CNTN5: variants seen among roughly 807,000 people sequenced by gnomAD.
CNTN5 encodes the protein contactin-5.
A neutral mutation model predicts 129.1 loss-of-function variants in CNTN5; 77 were observed. The ratio of observed to expected loss-of-function variants is 0.60; its 90% CI spans 0.50 to 0.72. The LOEUF is 0.72. Ranked by LOEUF, CNTN5 falls within the 30% of genes least tolerant of loss-of-function variation. CNTN5 has a pLI of 0.00. For synonymous variants in CNTN5, 509 were observed against 465.6 expected (o/e 1.09, Z -1.20); for missense variants, 1,478 against 1,328.8 (o/e 1.11, Z -1.75).
rs1364715313 is a variant in CNTN5, at chr11:99,476,833, G to C, written c.-70-79312G>C. Among the ~76,000 whole-genome samples the C allele has an allele frequency of 4.6e-5, 7 of 152,178 alleles. No homozygotes were observed. The East Asian group carries it at 1.4e-3, about 29-fold the overall frequency. ...CAACTGATCCTTTCAAAGGGTTGTA[G>C]ATATCCTCAACCAACAAGTGAATGG... On this transcript the variant is annotated intron_variant, in intron 2 of 24. Coordinates refer to ENST00000524871, the MANE Select transcript of CNTN5 (RefSeq NM_014361.4).
rs960484418 is a variant in CNTN5, at chr11:99,908,845, G to A, written c.578-7209G>A. Among the ~76,000 whole-genome samples, 25 of 152,116 alleles carry A rather than the reference G, an allele frequency of 1.6e-4. 1 individual carries two copies. Among genetic ancestry groups the A allele is most frequent in the African/African-American group, 4.6e-4 (19 of 41,528 alleles). On this transcript the variant is annotated intron_variant, in intron 6 of 24. Coordinates refer to ENST00000524871, the MANE Select transcript of CNTN5 (RefSeq NM_014361.4). The stretch of plus-strand genomic sequence containing the variant: ...TGTAATTAAAAGTGTCTTTTTCAAG[G>A]GAAGCATATGCTGGTTTTCTTTGGT...
chr11:99,901,760 GAATT>G (rs1312042176), intron 6 of CNTN5, among the ~76,000 whole-genome samples: 2 of 152,074 alleles, frequency 1.3e-5, no homozygotes, highest in Non-Finnish European at 2.9e-5. Flanking sequence ...AAAAAGCTGT[GAATT>G]AAAAAAGAAA....
intron 1 of CNTN5, among the ~76,000 whole-genome samples, chr11:99,102,486 C>T (rs1344208301): frequency 6.6e-6 from 1 of 152,252 alleles, no homozygotes; most frequent in African/African-American, 2.4e-5. Flanking sequence ...TAAGTAACCT[C>T]CTGAATGCTT....
At chr11:99,066,812 A>G in intron 1 of CNTN5, among the ~76,000 whole-genome samples, 1 of 152,154 alleles carries the variant, frequency 6.6e-6, no homozygotes, top group East Asian at 1.9e-4. Flanking sequence ...TGAGCACAGC[A>G]GGAATACTAA....
At chr11:99,095,467 C>T (rs1271493871) in intron 1 of CNTN5, among the ~76,000 whole-genome samples, 1 of 151,964 alleles carries the variant, frequency 6.6e-6, no homozygotes, top group East Asian at 1.9e-4. Context: ...ATGGAAGTTA[C>T]TTCTTTTACC....
chr11:99,619,134 A>G (rs1024331569), intron 3 of CNTN5, among the ~76,000 whole-genome samples: 2 of 152,158 alleles, frequency 1.3e-5, no homozygotes, highest in Non-Finnish European at 2.9e-5. Flanking sequence ...GTCCCATTCA[A>G]GATCAAAACT....
At chr11:99,888,844 C>A (rs1341519844) in intron 6 of CNTN5, among the ~76,000 whole-genome samples, 2 of 152,214 alleles carry the variant, frequency 1.3e-5, no homozygotes, top group African/African-American at 4.8e-5. Flanking sequence ...GAGTTTGACA[C>A]ATTACTGCGT....
At chr11:100,315,385 T>C (rs190521460) in intron 21 of CNTN5, among the ~76,000 whole-genome samples, 2 of 152,206 alleles carry the variant, frequency 1.3e-5, no homozygotes, top group African/African-American at 2.4e-5. Context: ...TGTTATTAAA[T>C]TGATGAATTG....
intron 8 of CNTN5, among the ~76,000 whole-genome samples, chr11:99,975,878 G>C (rs1046937782): frequency 7.2e-5 from 11 of 152,104 alleles, no homozygotes; most frequent in Admixed American, 2.0e-4. Context: ...AACCCATCAT[G>C]CTTTTCCCAA....
chr11:99,396,471 T>G (rs1283292480), intron 2 of CNTN5, among the ~76,000 whole-genome samples: 1 of 151,622 alleles, frequency 6.6e-6, no homozygotes, highest in East Asian at 1.9e-4. Flanking sequence ...CCTGTTTTTA[T>G]AAACCCCAGT....
At chr11:99,674,023 G>A (rs1166613676) in intron 3 of CNTN5, among the ~76,000 whole-genome samples, 1 of 152,120 alleles carries the variant, frequency 6.6e-6, no homozygotes, top group East Asian at 1.9e-4. Context: ...GGTCTTTGAG[G>A]AATCCCCACA....
At chr11:99,513,743 AG>A (rs1176162399) in intron 2 of CNTN5, among the ~76,000 whole-genome samples, 1 of 151,566 alleles carries the variant, frequency 6.6e-6, no homozygotes, top group Non-Finnish European at 1.5e-5. Flanking sequence ...GAAAAAAAAA[AG>A]ATTCCTTTCA....
chr11:99,594,464 A>G (rs569613822), intron 3 of CNTN5, among the ~76,000 whole-genome samples: 1 of 152,300 alleles, frequency 6.6e-6, no homozygotes, highest in East Asian at 1.9e-4. Context: ...AGCTCAATTC[A>G]TAGCATGCAG....
intron 13 of CNTN5, among the ~76,000 whole-genome samples, chr11:100,098,344 C>T (rs1356444139): frequency 6.6e-6 from 1 of 151,938 alleles, no homozygotes; most frequent in Non-Finnish European, 1.5e-5. Context: ...TCTATATTTA[C>T]CCCTGACTTT....
intron 1 of CNTN5, among the ~76,000 whole-genome samples, chr11:99,302,580 G>A (rs1864691440): frequency 6.6e-6 from 1 of 151,628 alleles, no homozygotes; most frequent in African/African-American, 2.4e-5. Flanking sequence ...CATATCATTT[G>A]TGAGGGTCCA....
At chr11:100,343,503 C>T (rs1268477439) in intron 23 of CNTN5, among the ~76,000 whole-genome samples, 1 of 152,028 alleles carries the variant, frequency 6.6e-6, no homozygotes, top group African/African-American at 2.4e-5. Context: ...TGGGCTTAAC[C>T]CAGAGTTTGG....
intron 1 of CNTN5, among the ~76,000 whole-genome samples, chr11:99,198,913 A>G (rs1385429263): frequency 6.6e-6 from 1 of 152,172 alleles, no homozygotes; most frequent in Non-Finnish European, 1.5e-5. Flanking sequence ...ATATTCTAGC[A>G]TGTATCTTCA....
chr11:99,835,139 T>C (rs1471954659), intron 4 of CNTN5, among the ~76,000 whole-genome samples: 1 of 152,232 alleles, frequency 6.6e-6, no homozygotes, highest in Non-Finnish European at 1.5e-5. Flanking sequence ...GTGGTTGCCC[T>C]GTGGCGGGTA....
At chr11:99,847,682 A>G (rs1392592472) in intron 6 of CNTN5, among the ~76,000 whole-genome samples, 1 of 152,178 alleles carries the variant, frequency 6.6e-6, no homozygotes, top group African/African-American at 2.4e-5. Flanking sequence ...ATGTAGTTTC[A>G]TCTATTTTTC....
Sources: gnomAD v4.1 joint callset for allele counts (sites outside exome capture counted in the v4.1 genomes callset) on GRCh38, gnomAD v4.1.1 for gene constraint, MANE v1.5 for transcripts, NCBI Gene and HGNC (gene_info 2026-07-23, HGNC 2026-07-21) for gene names.